The following KCNT1 variants were observed in gnomAD, a reference collection of about 807,000 sequenced individuals.
KCNT1 encodes potassium sodium-activated channel subfamily T member 1.
A neutral mutation model predicts 147.8 loss-of-function variants in KCNT1; 78 were observed. The ratio of observed to expected loss-of-function variants is 0.53; its 90% CI spans 0.44 to 0.64. The LOEUF is 0.64. KCNT1 is among the 30% of genes least tolerant of loss of function. The probability of loss-of-function intolerance (pLI) is 0.00; values close to 1 mark genes in which losing one functional copy is unlikely to be tolerated. For synonymous variants in KCNT1, 867 were observed against 748.8 expected, an observed-to-expected ratio of 1.16 and a Z score of -2.58; for missense variants, 1,419 against 1,750.3, an observed-to-expected ratio of 0.81 and a Z score of 3.38.
intron 13 of KCNT1, among the ~76,000 whole-genome samples, chr9:135,767,311 G>T (rs893135517): frequency 6.6e-6 from 1 of 152,212 alleles, no homozygotes; most frequent in Non-Finnish European, 1.5e-5. Context: ...AGCCAGGCAG[G>T]GATGAGCCCA....
chr9:135,711,624 C>T (rs575734664), intron 1 of KCNT1, among the ~76,000 whole-genome samples: 1 of 152,340 alleles, frequency 6.6e-6, no homozygotes, highest in East Asian at 1.9e-4. Context: ...AGGGTCAGTG[C>T]ACGTGACTAC....
At chr9:135,739,444 C>T (rs1830470480) in intron 2 of KCNT1, among the ~76,000 whole-genome samples, 4 of 151,964 alleles carry the variant, frequency 2.6e-5, no homozygotes, top group African/African-American at 7.2e-5. Flanking sequence ...CTGAGCCCCC[C>T]GACCCCGGAC....
chr9:135,776,158 G>T (rs1833156075), intron 20 of KCNT1, among the ~76,000 whole-genome samples: 1 of 152,128 alleles, frequency 6.6e-6, no homozygotes, highest in Non-Finnish European at 1.5e-5. Context: ...TTTCCTTCTG[G>T]AGTTAGCAGC....
intron 13 of KCNT1, among the ~76,000 whole-genome samples, chr9:135,767,549 C>T (rs771715885): frequency 7.2e-5 from 11 of 152,026 alleles, no homozygotes; most frequent in Non-Finnish European, 1.6e-4. Context: ...GGGTCTCTGC[C>T]CCCAGATTCC....
At chr9:135,738,255 TC>T (rs1471632374) in intron 2 of KCNT1, among the ~76,000 whole-genome samples, 2 of 152,170 alleles carry the variant, frequency 1.3e-5, no homozygotes, top group African/African-American at 2.4e-5. Context: ...GCCTCGCTCA[TC>T]CCCCGGCAGC....
In KCNT1 at chr9:135,784,844, C is replaced by T. The variant is rs778321915; in HGVS notation, c.3111C>T (p.Pro1037=). 73 of 1,612,760 alleles carry T rather than the reference C, an allele frequency of 4.5e-5. No individual in the cohort carries two copies. The highest frequency in any genetic ancestry group is 5.7e-5 in the Non-Finnish European group (67 of 1,180,004). The part of the protein sequence containing the change: ...QKLCSSSAEI[P]IGIYRTESHV... ...TCTGCTCCTCCAGCGCCGAGATCCC[C>T]ATTGGCATCTACCGGACAGAGAGCC... The change falls in exon 27 of 31, where the codon CCC becomes CCT. Residue 1037 remains proline, a synonymous_variant. Coordinates refer to ENST00000371757, the MANE Select transcript of KCNT1 (RefSeq NM_020822.3).
rs1198019934 is a variant in KCNT1, at chr9:135,714,497, C to T, written c.111-80C>T. 1.1e-6 allele frequency: 1 copy of T among 919,420 alleles called. No homozygotes were observed. 57.0% of individuals were successfully genotyped at this position (919,420 alleles called of 1,614,324 possible). On this transcript the variant is annotated intron_variant, in intron 1 of 30. Coordinates refer to ENST00000371757, the MANE Select transcript of KCNT1 (RefSeq NM_020822.3). This position sits in a 1 kb window ranked among gnomAD's most constrained non-coding sequence, Gnocchi z 6.2. Reference sequence around the variant, plus strand: ...GTGGCCGCGGGCTGCGCTGCGCGGGCCGGGCCTGGCGGGCCGGGGGCTGCG... The same window carrying T: ...GTGGCCGCGGGCTGCGCTGCGCGGGTCGGGCCTGGCGGGCCGGGGGCTGCG...
At position 135,779,475 on chromosome 9, in the gene KCNT1, G is replaced by A. The variant is rs1336622900; in HGVS notation, c.2841+5G>A. Reference sequence around the variant, plus strand: ...GCTCTTTCCAAACTAGAAAAGGTGAGCAGCCCTGCCCCGTGCCAGCTGCCA... The same window carrying A: ...GCTCTTTCCAAACTAGAAAAGGTGAACAGCCCTGCCCCGTGCCAGCTGCCA... On this transcript the variant is annotated splice_donor_5th_base_variant and intron_variant, in intron 24 of 30. Coordinates refer to ENST00000371757, the MANE Select transcript of KCNT1 (RefSeq NM_020822.3). 2 of 1,597,656 alleles carry A rather than the reference G, an allele frequency of 1.3e-6. No homozygotes were observed. Among genetic ancestry groups the A allele is most frequent in the Non-Finnish European group, 1.7e-6 (2 of 1,165,452 alleles).
At chr9:135,771,982 C>A (rs574839299) in intron 18 of KCNT1, among the ~76,000 whole-genome samples, 3 of 152,330 alleles carry the variant, frequency 2.0e-5, no homozygotes, top group Admixed American at 1.3e-4. Context: ...TGCAGTGGGG[C>A]ACAGTCTCCA....
chr9:135,786,072 C>G, intron 28 of KCNT1, 125 bp from the exon 29 acceptor site: 1 of 798,398 alleles, frequency 1.3e-6, no homozygotes, highest in Non-Finnish European at 2.0e-6. Flanking sequence ...CCTAACACCC[C>G]CAGCTGCTCC....
chr9:135,732,697 T>G (rs1830150058), intron 2 of KCNT1, among the ~76,000 whole-genome samples: 1 of 152,108 alleles, frequency 6.6e-6, no homozygotes, highest in Non-Finnish European at 1.5e-5. Flanking sequence ...TTCCTTCTTC[T>G]CTGGGTTTTG....
intron 24 of KCNT1, among the ~76,000 whole-genome samples, chr9:135,782,715 G>A (rs1021850646): frequency 1.3e-5 from 2 of 152,152 alleles, no homozygotes; most frequent in Non-Finnish European, 2.9e-5. Flanking sequence ...CCTGTTTAGC[G>A]TTGTTCTGAG....
At chr9:135,722,140 C>T (rs535331636) in intron 2 of KCNT1, among the ~76,000 whole-genome samples, 9 of 152,186 alleles carry the variant, frequency 5.9e-5, no homozygotes, top group South Asian at 4.2e-4. Flanking sequence ...TCCGTGATAC[C>T]CCTGGGCCCA....
Position 135,741,230 on chromosome 9 carries a change from G to C in KCNT1, c.255-8868G>C, listed in dbSNP as rs535894695. Among the ~76,000 whole-genome samples the C allele has an allele frequency of 7.2e-5, 11 of 152,338 alleles. No homozygotes were observed. The South Asian group carries it at 2.1e-3, about 29-fold the overall frequency. ...GGGAGGCCCCATGCGCAGCTCAGTA[G>C]ACACTCAGCTAGGGCTATATCGGGA... is the stretch of plus-strand genomic sequence containing the variant. On this transcript the variant is annotated intron_variant, in intron 2 of 30. Transcript: ENST00000371757.
At position 135,775,239 on chromosome 9, in the gene KCNT1, C is replaced by T. The variant is rs903553385; in HGVS notation, c.2244-71C>T. 39 of 1,228,728 alleles carry T rather than the reference C, an allele frequency of 3.2e-5. No individual in the cohort carries two copies. The East Asian group carries it at 5.0e-4, about 16-fold the overall frequency. The allele number at this position is 1,228,728 out of a possible 1,614,324, so 76.1% of individuals were successfully genotyped here. A position where few individuals can be genotyped will look rare whatever the true frequency, so the allele number is the denominator to read the frequency against. ...GTGGGTGCCCTCGAGTCCCCCAGCC[C>T]GAGGGGGGCCCCAGAGCAGACCCAG... On this transcript the variant is annotated intron_variant, in intron 19 of 30. Transcript: ENST00000371757.
At chr9:135,708,581 AGCTCTGTCACCCAG>A (rs1835351717) in intron 1 of KCNT1, among the ~76,000 whole-genome samples, 2 of 152,186 alleles carry the variant, frequency 1.3e-5, no homozygotes, top group Non-Finnish European at 2.9e-5. Flanking sequence ...GACAGAATCT[AGCTCTGTCACCCAG>A]GCTGGAGTGC....
chr9:135,757,489 G>A, intron 9 of KCNT1, 108 bp downstream of exon 9: 8 of 971,886 alleles, frequency 8.2e-6, no homozygotes, highest in Non-Finnish European at 1.3e-5. Flanking sequence ...GCCCTGGCAT[G>A]ACCTGTAGAG....
intron 29 of KCNT1, among the ~76,000 whole-genome samples, chr9:135,787,816 G>T (rs936579244): frequency 6.6e-6 from 1 of 152,228 alleles, no homozygotes; most frequent in Admixed American, 6.5e-5. Context: ...GCTGAGGGGG[G>T]TGCCCAGCAT....
chr9:135,706,013 C>T (rs781772872), intron 1 of KCNT1, among the ~76,000 whole-genome samples: 1 of 152,086 alleles, frequency 6.6e-6, no homozygotes, highest in Non-Finnish European at 1.5e-5. Flanking sequence ...AGGCGGGCGC[C>T]CCGGGAGGAG....
Sources: allele counts gnomAD v4.1 joint callset (sites outside exome capture counted in the v4.1 genomes callset), GRCh38; gene constraint gnomAD v4.1.1; non-coding constraint Gnocchi (gnomAD v3.1); transcripts MANE v1.5; gene names NCBI Gene and HGNC (gene_info 2026-07-23, HGNC 2026-07-21).